The following RAD51B variants were observed in gnomAD, a reference collection of about 807,000 sequenced individuals.
The protein encoded by RAD51B is DNA repair protein RAD51 homolog 2.
In RAD51B, 38 loss-of-function variants were observed where a neutral mutation model predicts 42.2. The ratio of observed to expected loss-of-function variants is 0.90; its 90% CI spans 0.70 to 1.18. RAD51B has a LOEUF of 1.18. RAD51B is among the 50% of genes most tolerant of loss of function. The probability of loss-of-function intolerance (pLI) is 0.00; values close to 1 mark genes in which losing one functional copy is unlikely to be tolerated. For missense variants in RAD51B, 373 were observed against 400.7 expected (o/e 0.93, Z 0.59); for synonymous variants, 154 against 145.2 (o/e 1.06, Z -0.43).
intron 8 of RAD51B, among the ~76,000 whole-genome samples, chr14:68,335,330 CAG>C (rs1272049513): frequency 2.1e-5 from 3 of 142,182 alleles, no homozygotes; most frequent in African/African-American, 7.7e-5. Context: ...AAAAAAGAAA[CAG>C]AAAATATGTT....
At chr14:68,150,712 A>G (rs998275346) in intron 7 of RAD51B, among the ~76,000 whole-genome samples, 1 of 152,006 alleles carries the variant, frequency 6.6e-6, no homozygotes, top group African/African-American at 2.4e-5. Context: ...ATTTACCTCT[A>G]CTATTGTTCT....
At position 68,593,432 on chromosome 14, in the gene RAD51B, G is replaced by A. The variant is rs555770251; in HGVS notation, c.1037-1053G>A. 4.6e-5 allele frequency among the ~76,000 whole-genome samples: 7 copies of A among 152,362 alleles called. No individual in the cohort carries two copies. The East Asian group carries it at 1.2e-3, about 25-fold the overall frequency. The stretch of plus-strand genomic sequence containing the variant: ...GATGCTGAGTGGGCAGAAGCTGCAG[G>A]TAGGGGACAAGTTGTCCCAGTGGCA... On this transcript the variant is annotated intron_variant, in intron 10 of 10. Coordinates refer to the RAD51B transcript ENST00000487270.
In RAD51B at chr14:68,092,637, A is replaced by G. The variant is rs563803148; in HGVS notation, c.757-199247A>G. ...GGTTTTCTAGATATACAATCATGTC[A>G]TCTGCAAACAGGGACAATTTGACTT... On this transcript the variant is annotated intron_variant, in intron 7 of 10. Coordinates refer to ENST00000471583, the MANE Select transcript of RAD51B (RefSeq NM_133510.4). Among the ~76,000 whole-genome samples, 5 of 152,320 alleles carry G rather than the reference A, an allele frequency of 3.3e-5. No homozygotes were observed. The East Asian group carries it at 5.8e-4, about 18-fold the overall frequency.
chr14:68,521,607 T>C (rs1039617980), intron 10 of RAD51B, among the ~76,000 whole-genome samples: 1 of 152,212 alleles, frequency 6.6e-6, no homozygotes, highest in African/African-American at 2.4e-5. Flanking sequence ...AAACTAAATG[T>C]CTAATCTGTG....
intron 7 of RAD51B, among the ~76,000 whole-genome samples, chr14:68,145,615 CTT>C (rs1315297274): frequency 1.3e-5 from 2 of 152,152 alleles, no homozygotes; most frequent in African/African-American, 4.8e-5. Flanking sequence ...CTGAGCCTCT[CTT>C]GTTCAGTAGT....
At chr14:68,033,863 G>C (rs2140376363) in intron 7 of RAD51B, among the ~76,000 whole-genome samples, 1 of 152,330 alleles carries the variant, frequency 6.6e-6, no homozygotes, top group South Asian at 2.1e-4. Flanking sequence ...TAAACTGTCA[G>C]TTAAGATGCA....
chr14:68,633,048 G>A (rs532778263), intron 10 of RAD51B, among the ~76,000 whole-genome samples: 12 of 126,170 alleles, frequency 9.5e-5, no homozygotes, highest in Admixed American at 5.0e-4. Context: ...TGAACACATG[G>A]GCTCAAGTGA....
intron 4 of RAD51B, among the ~76,000 whole-genome samples, chr14:67,854,646 A>G (rs2041928120): frequency 6.7e-6 from 1 of 149,974 alleles, no homozygotes; most frequent in Non-Finnish European, 1.5e-5. Flanking sequence ...AAAAAAAAAA[A>G]AGTATTCAGA....
chr14:68,034,705 A>G (rs1361879523), intron 7 of RAD51B, among the ~76,000 whole-genome samples: 1 of 152,198 alleles, frequency 6.6e-6, no homozygotes, highest in Admixed American at 6.5e-5. Flanking sequence ...GGCAGATACA[A>G]ATACCACTTT....
At chr14:67,851,214 C>G (rs2041794985) in intron 4 of RAD51B, among the ~76,000 whole-genome samples, 1 of 151,920 alleles carries the variant, frequency 6.6e-6, no homozygotes, top group African/African-American at 2.4e-5. Flanking sequence ...TCTGTAAGTC[C>G]CTAGTTAGTC....
downstream of RAD51B, among the ~76,000 whole-genome samples, chr14:68,600,341 ACT>A (rs976156511): frequency 1.3e-5 from 2 of 151,638 alleles, no homozygotes; most frequent in African/African-American, 4.9e-5. Flanking sequence ...GCCTAATTAA[ACT>A]CTGGCATTGG....
chr14:68,139,408 G>A (rs2078078907), intron 7 of RAD51B, among the ~76,000 whole-genome samples: 1 of 152,130 alleles, frequency 6.6e-6, no homozygotes, highest in Non-Finnish European at 1.5e-5. Context: ...AGTTCTTTGT[G>A]TCTTTGTATA....
intron 9 of RAD51B, chr14:68,421,931 G>A (rs1381127858): frequency 6.4e-7 from 1 of 1,567,826 alleles, no homozygotes; most frequent in Non-Finnish European, 8.8e-7. Context: ...GCTTTAGGAT[G>A]AAGTTCTCAT....
chr14:68,279,655 A>T (rs2081284798), intron 7 of RAD51B, among the ~76,000 whole-genome samples: 1 of 152,232 alleles, frequency 6.6e-6, no homozygotes, highest in Admixed American at 6.5e-5. Context: ...CTGGTTCCCA[A>T]ATATATTAAG....
At chr14:68,618,211 G>A (rs563757323) in intron 10 of RAD51B, among the ~76,000 whole-genome samples, 7 of 152,256 alleles carry the variant, frequency 4.6e-5, no homozygotes, top group Admixed American at 1.3e-4. Flanking sequence ...AGATTCACTC[G>A]CCACCCTTTG....
intron 7 of RAD51B, among the ~76,000 whole-genome samples, chr14:68,267,616 G>A (rs1200000676): frequency 6.6e-6 from 1 of 152,136 alleles, no homozygotes; most frequent in Admixed American, 6.6e-5. Flanking sequence ...CCCATAGTAT[G>A]TATAGAGACC....
chr14:68,307,161 A>G (rs2081883706), intron 8 of RAD51B, among the ~76,000 whole-genome samples: 1 of 152,006 alleles, frequency 6.6e-6, no homozygotes, highest in African/African-American at 2.4e-5. Context: ...CCTGAAACAC[A>G]AACACCAAGC....
intron 7 of RAD51B, among the ~76,000 whole-genome samples, chr14:68,123,153 G>T (rs1409398040): frequency 6.7e-6 from 1 of 149,856 alleles, no homozygotes; most frequent in Non-Finnish European, 1.5e-5. Flanking sequence ...CCATATAAAT[G>T]TCAGGAATGA....
At chr14:67,829,826 T>C (rs1009980669) in intron 3 of RAD51B, among the ~76,000 whole-genome samples, 3 of 152,134 alleles carry the variant, frequency 2.0e-5, no homozygotes, top group African/African-American at 2.4e-5. Flanking sequence ...AAAATATTAA[T>C]TCAGAAATAA....
Sources: allele counts gnomAD v4.1 joint callset (sites outside exome capture counted in the v4.1 genomes callset), GRCh38; gene constraint gnomAD v4.1.1; transcripts MANE v1.5; gene names NCBI Gene and HGNC (gene_info 2026-07-23, HGNC 2026-07-21).